The following MAP4K4 variants were observed in gnomAD, a reference collection of about 807,000 sequenced individuals.
MAP4K4 encodes mitogen-activated protein kinase kinase kinase kinase 4, also known as HPK/GCK-like kinase HGK.
In MAP4K4, 38 loss-of-function variants were observed where a neutral mutation model predicts 189.6. The observed-to-expected ratio is 0.20, with a 90% confidence interval of 0.15 to 0.26. The LOEUF (loss-of-function observed/expected upper bound fraction) is 0.26, where lower values mean the gene tolerates loss of function less well. Ranked by LOEUF, MAP4K4 falls within the 10% of genes least tolerant of loss-of-function variation. The pLI is 1.00. For synonymous variants in MAP4K4, 610 were observed against 624.3 expected (o/e 0.98, Z 0.34); for missense variants, 1,054 against 1,726.9 (o/e 0.61, Z 6.91).
intron 2 of MAP4K4, 23 bp from the exon 3 acceptor site, chr2:101,790,697 G>A: frequency 6.3e-7 from 1 of 1,587,202 alleles, no homozygotes. Context: ...GCTGATTTTT[G>A]ATCTATTTTT....
At chr2:101,708,232 C>G (rs1469386756) in intron 2 of MAP4K4, among the ~76,000 whole-genome samples, 5 of 152,166 alleles carry the variant, frequency 3.3e-5, no homozygotes, top group Non-Finnish European at 7.3e-5. Flanking sequence ...TGTGATCAGT[C>G]CACCATGTTT....
intron 9 of MAP4K4, among the ~76,000 whole-genome samples, chr2:101,837,821 C>G (rs1280424120): frequency 6.6e-6 from 1 of 152,164 alleles, no homozygotes. Flanking sequence ...CTGTATTAAC[C>G]ACTGTGTCCA....
chr2:101,858,778 A>G (rs891443257), intron 13 of MAP4K4, among the ~76,000 whole-genome samples: 2 of 152,182 alleles, frequency 1.3e-5, no homozygotes, highest in African/African-American at 4.8e-5. Flanking sequence ...CGTGTATATT[A>G]TGGGAATGCA....
At chr2:101,774,272 T>C (rs535430484) in intron 2 of MAP4K4, among the ~76,000 whole-genome samples, 24 of 152,354 alleles carry the variant, frequency 1.6e-4, no homozygotes, top group African/African-American at 5.5e-4. Flanking sequence ...TGAGATGATA[T>C]CTCATTGTAG....
chr2:101,773,332 C>CT (rs978030063), intron 2 of MAP4K4, among the ~76,000 whole-genome samples: 1 of 152,236 alleles, frequency 6.6e-6, no homozygotes. Context: ...GCGGATGTGT[C>CT]TGTCTGTTGA....
chr2:101,788,857 G>A (rs1318388637), intron 2 of MAP4K4, among the ~76,000 whole-genome samples: 2 of 151,326 alleles, frequency 1.3e-5, no homozygotes, highest in Non-Finnish European at 2.9e-5. Flanking sequence ...CTTTATTTAT[G>A]TTAAGATTTG....
intron 28 of MAP4K4, 145 bp from the exon 29 acceptor site, chr2:101,885,042 C>A: frequency 2.1e-6 from 1 of 476,378 alleles, no homozygotes; most frequent in Non-Finnish European, 3.8e-6. Flanking sequence ...GGTGTGATCT[C>A]TCTCTCTGAA....
At chr2:101,867,974 G>C (rs2097864335) in intron 20 of MAP4K4, 55 bp from the exon 21 acceptor site, 1 of 1,597,060 alleles carries the variant, frequency 6.3e-7, no homozygotes, top group Non-Finnish European at 8.6e-7. Context: ...CTTGTACTGT[G>C]CATTCCTCAT....
chr2:101,715,046 A>G (rs1198150364), intron 2 of MAP4K4, among the ~76,000 whole-genome samples: 2 of 152,210 alleles, frequency 1.3e-5, no homozygotes, highest in African/African-American at 4.8e-5. Flanking sequence ...TGCCATAACA[A>G]AAGGTCACAG....
exon 31 of MAP4K4, chr2:101,887,846 G>A: frequency 5.0e-6 from 8 of 1,613,322 alleles, no homozygotes; most frequent in Non-Finnish European, 5.9e-6. Flanking sequence ...AGCTTCTGGT[G>A]TGCTATGAAG....
intron 24 of MAP4K4, among the ~76,000 whole-genome samples, chr2:101,872,807 A>T (rs183167453): frequency 1.7e-3 from 257 of 152,174 alleles, no homozygotes; most frequent in Admixed American, 3.1e-3. Context: ...TTGATCAGAC[A>T]TGTTCCTTTT....
chr2:101,856,210 G>T, intron 13 of MAP4K4, 72 bp downstream of exon 13: 1 of 1,455,024 alleles, frequency 6.9e-7, no homozygotes, highest in Non-Finnish European at 9.3e-7. Context: ...GGGATTTTTA[G>T]AAAGTATACA....
chr2:101,742,020 C>G (rs1415500865), intron 2 of MAP4K4, among the ~76,000 whole-genome samples: 2 of 152,144 alleles, frequency 1.3e-5, no homozygotes, highest in African/African-American at 4.8e-5. Flanking sequence ...GTGAAGAGCA[C>G]ACCCTTTGTA....
chr2:101,822,950 A>T (rs899056240), intron 3 of MAP4K4, among the ~76,000 whole-genome samples: 4 of 152,190 alleles, frequency 2.6e-5, no homozygotes, highest in Admixed American at 1.3e-4. Context: ...TTTCCTGCAC[A>T]GTTTCTCTTC....
chr2:101,811,084 G>T (rs1316448221), intron 3 of MAP4K4, among the ~76,000 whole-genome samples: 1 of 152,130 alleles, frequency 6.6e-6, no homozygotes, highest in Non-Finnish European at 1.5e-5. Context: ...TCAAGAATGT[G>T]AAAGTAGGGT....
At chr2:101,838,234 T>C (rs2096820846) in intron 9 of MAP4K4, among the ~76,000 whole-genome samples, 1 of 152,202 alleles carries the variant, frequency 6.6e-6, no homozygotes, top group Non-Finnish European at 1.5e-5. Context: ...AAGTTTCTGG[T>C]CTGGGGAGTG....
At chr2:101,843,826 CT>C (rs1448810772) in intron 11 of MAP4K4, among the ~76,000 whole-genome samples, 1 of 152,154 alleles carries the variant, frequency 6.6e-6, no homozygotes, top group Admixed American at 6.5e-5. Flanking sequence ...TTTCCTTTTA[CT>C]GAGTTTGAAT....
At chr2:101,759,993 G>A (rs1476343801) in intron 2 of MAP4K4, among the ~76,000 whole-genome samples, 3 of 151,488 alleles carry the variant, frequency 2.0e-5, no homozygotes, top group African/African-American at 4.8e-5. Flanking sequence ...ACAGGTGCAC[G>A]CCACCACACC....
intron 23 of MAP4K4, among the ~76,000 whole-genome samples, chr2:101,870,862 G>A (rs113856902): frequency 4.6e-5 from 7 of 152,202 alleles, no homozygotes; most frequent in Non-Finnish European, 1.0e-4. Context: ...CACAGGCCCA[G>A]AGACTCGGAG....
Sources: gnomAD v4.1 joint callset for allele counts (sites outside exome capture counted in the v4.1 genomes callset) on GRCh38, gnomAD v4.1.1 for gene constraint, MANE v1.5 for transcripts, NCBI Gene and HGNC (gene_info 2026-07-23, HGNC 2026-07-21) for gene names.